Variants in DIS3L2 observed in about 807,000 individuals in gnomAD.
The protein encoded by DIS3L2 is DIS3-like exonuclease 2.
A neutral mutation model predicts 97.5 loss-of-function variants in DIS3L2; 34 were observed. The ratio of observed to expected loss-of-function variants is 0.35; its 90% confidence interval spans 0.27 to 0.46. DIS3L2 has a LOEUF of 0.46. Ranked by LOEUF, DIS3L2 falls within the 20% of genes least tolerant of loss-of-function variation. The pLI, the probability that DIS3L2 is intolerant of heterozygous loss-of-function variation, is 1.00. For missense variants in DIS3L2, 1,038 were observed against 1,146.0 expected, an observed-to-expected ratio of 0.91 and a Z score of 1.36; for synonymous variants, 435 against 445.2, an observed-to-expected ratio of 0.98 and a Z score of 0.29.
chr2:232,190,985 C>T (rs2106195872), intron 9 of DIS3L2, among the ~76,000 whole-genome samples: 1 of 152,322 alleles, frequency 6.6e-6, no homozygotes, highest in Middle Eastern at 3.4e-3. Flanking sequence ...AAAGCTAGAA[C>T]AGAAGTCACT....
intron 6 of DIS3L2, among the ~76,000 whole-genome samples, chr2:232,112,171 G>T (rs1039096126): frequency 2.6e-5 from 4 of 152,176 alleles, no homozygotes; most frequent in African/African-American, 9.7e-5. Flanking sequence ...CTTCTTTGTG[G>T]TAAAAGATGA....
At chr2:232,002,847 A>ATG (rs1201704795) in intron 1 of DIS3L2, among the ~76,000 whole-genome samples, 11 of 152,246 alleles carry the variant, frequency 7.2e-5, no homozygotes, top group Admixed American at 6.5e-4. Context: ...AAATGATCGT[A>ATG]TGTGTGTGTG....
intron 1 of DIS3L2, among the ~76,000 whole-genome samples, chr2:231,987,558 GC>G (rs1693453569): frequency 6.6e-6 from 1 of 152,332 alleles, no homozygotes; most frequent in Non-Finnish European, 1.5e-5. Context: ...TAATCCCAAG[GC>G]TAGGAACTTT....
At chr2:232,077,055 ATTCTGGGCTTAG>A (rs1290915903) in intron 5 of DIS3L2, among the ~76,000 whole-genome samples, 2 of 152,038 alleles carry the variant, frequency 1.3e-5, no homozygotes, top group Non-Finnish European at 2.9e-5. Flanking sequence ...TGAACTCAGG[ATTCTGGGCTTAG>A]TTCTGTTCCT....
rs1311309315 is a variant in DIS3L2 at position 232,342,210 on chromosome 2, CACATATATACACAT to C, written c.1582-1117_1582-1104del. Among the ~76,000 whole-genome samples the C allele has an allele frequency of 2.7e-3, 317 of 115,948 alleles. 1 individual carries two copies. The highest frequency in any genetic ancestry group is 0.014 in the African/African-American group (274 of 20,268). 76.1% of individuals were successfully genotyped at this position (115,948 alleles called of 152,430 possible). A position where few individuals can be genotyped will look rare whatever the true frequency, so the allele number is the denominator to read the frequency against. ...ATACATATATACACATACATATATA[CACATATATACACAT>C]ACATATATACACATACACATATATA... On this transcript the variant is annotated intron_variant, in intron 13 of 13. Transcript: ENST00000273009.
In DIS3L2 at chr2:232,300,126, C is replaced by A; in HGVS notation, c.1739+7C>A. ...AGTACCGCGAGAGCAACAAGTAAGC[C>A]ACTCAGTGGGAAAGAGTGTCACTTC... is the stretch of plus-strand genomic sequence containing the variant. On this transcript the variant is annotated splice_region_variant and intron_variant, in intron 14 of 20. Coordinates refer to ENST00000325385, the MANE Select transcript of DIS3L2 (RefSeq NM_152383.5). The A allele has an allele frequency of 6.2e-7, 1 of 1,613,064 alleles. No homozygotes were observed. The highest frequency in any genetic ancestry group is 1.1e-5 in the South Asian group (1 of 91,040).
intron 13 of DIS3L2, among the ~76,000 whole-genome samples, chr2:232,285,158 T>A (rs1237259278): frequency 6.6e-6 from 1 of 152,244 alleles, no homozygotes; most frequent in African/African-American, 2.4e-5. Flanking sequence ...ACTAGCTGAC[T>A]GACATTTCCT....
intron 7 of DIS3L2, among the ~76,000 whole-genome samples, chr2:232,133,701 A>G (rs1698279088): frequency 6.6e-6 from 1 of 152,010 alleles, no homozygotes. Context: ...AAATTATAAA[A>G]AGGCCGGGCA....
At chr2:232,102,066 A>T (rs984029075) in intron 6 of DIS3L2, among the ~76,000 whole-genome samples, 9 of 152,198 alleles carry the variant, frequency 5.9e-5, no homozygotes, top group Non-Finnish European at 1.3e-4. Flanking sequence ...ATTAATTGGG[A>T]TAGTCTGACA....
chr2:232,020,287 G>A (rs766396090), intron 3 of DIS3L2, among the ~76,000 whole-genome samples: 22 of 152,278 alleles, frequency 1.4e-4, no homozygotes, highest in Middle Eastern at 3.4e-3. Flanking sequence ...TCTGGGAATT[G>A]TGAGATGAAT....
intron 13 of DIS3L2, among the ~76,000 whole-genome samples, chr2:232,266,018 A>G (rs1693848829): frequency 6.6e-6 from 1 of 152,220 alleles, no homozygotes; most frequent in African/African-American, 2.4e-5. Flanking sequence ...AACTTCTAGA[A>G]TAACCAACCA....
At chr2:232,338,909 G>A (rs1443466173), downstream of DIS3L2, among the ~76,000 whole-genome samples, 10 of 152,400 alleles carry the variant, frequency 6.6e-5, no homozygotes, top group Admixed American at 6.5e-5. Flanking sequence ...GCCAGGGCCC[G>A]GGCACAGAGC....
chr2:232,315,540 C>A (rs908416751), intron 14 of DIS3L2, among the ~76,000 whole-genome samples: 78 of 151,932 alleles, frequency 5.1e-4, no homozygotes, highest in Non-Finnish European at 9.4e-4. Flanking sequence ...CACTGCCACT[C>A]CCAGCTCTCT....
In DIS3L2 at chr2:231,965,392, G is replaced by A. The variant is rs544105672; in HGVS notation, c.-94+3627G>A. On this transcript the variant is annotated intron_variant, in intron 1 of 20. Transcript: ENST00000325385. ...TTAGCCTATCAGCCTTTGATGCTCA[G>A]CATTTGCCTTGAGACATTGAAGGCC... is the stretch of plus-strand genomic sequence containing the variant. Among the ~76,000 whole-genome samples, 53 of 151,768 alleles carry A rather than the reference G, an allele frequency of 3.5e-4. No homozygotes were observed. In the South Asian group the frequency reaches 0.011, roughly 32 times the overall value.
At chr2:232,334,769 G>C (rs748142318) in intron 19 of DIS3L2, 34 bp downstream of exon 19, 1 of 1,557,922 alleles carries the variant, frequency 6.4e-7, no homozygotes, top group East Asian at 2.4e-5. Context: ...GGGCGGGCAG[G>C]GCAGCCCAAG....
At chr2:232,209,695 A>G (rs929944294) in intron 9 of DIS3L2, among the ~76,000 whole-genome samples, 4 of 152,208 alleles carry the variant, frequency 2.6e-5, no homozygotes, top group African/African-American at 9.7e-5. Flanking sequence ...CAGGCATGCT[A>G]TATGGGAAAC....
chr2:232,284,990 A>G (rs1694389072), intron 13 of DIS3L2, among the ~76,000 whole-genome samples: 1 of 152,358 alleles, frequency 6.6e-6, no homozygotes, highest in Admixed American at 6.5e-5. Context: ...TTCATTTTAC[A>G]GATGAAGTCC....
chr2:232,004,029 T>G (rs1229554832), intron 1 of DIS3L2, among the ~76,000 whole-genome samples: 2 of 152,178 alleles, frequency 1.3e-5, no homozygotes, highest in Non-Finnish European at 2.9e-5. Context: ...GTTTCTTCAT[T>G]TTTTTGGGAC....
intron 14 of DIS3L2, among the ~76,000 whole-genome samples, chr2:232,306,871 T>C (rs1384744809): frequency 6.6e-6 from 1 of 152,268 alleles, no homozygotes; most frequent in African/African-American, 2.4e-5. Context: ...ACATGCTGTC[T>C]GTACCAGATT....
Sources: allele counts gnomAD v4.1 joint callset (sites outside exome capture counted in the v4.1 genomes callset), GRCh38; gene constraint gnomAD v4.1.1; transcripts MANE v1.5; gene names NCBI Gene and HGNC (gene_info 2026-07-23, HGNC 2026-07-21).